Variants in DLGAP2 observed in about 807,000 individuals in gnomAD.
DLGAP2 encodes the protein disks large-associated protein 2.
A neutral mutation model predicts 100.3 loss-of-function variants in DLGAP2; 26 were observed. The ratio of observed to expected loss-of-function variants is 0.26; its 90% CI spans 0.19 to 0.36. The LOEUF is 0.36. Ranked by LOEUF, DLGAP2 falls within the 10% of genes least tolerant of loss-of-function variation. The probability of loss-of-function intolerance (pLI) is 1.00; values close to 1 mark genes in which losing one functional copy is unlikely to be tolerated. For missense variants in DLGAP2, 1,858 were observed against 1,453.2 expected, an observed-to-expected ratio of 1.28 and a Z score of -4.53; for synonymous variants, 886 against 630.1, an observed-to-expected ratio of 1.41 and a Z score of -6.08.
chr8:1,253,635 G>A (rs1007768091), intron 2 of DLGAP2, among the ~76,000 whole-genome samples: 7 of 134,410 alleles, frequency 5.2e-5, no homozygotes, highest in African/African-American at 1.7e-4. Context: ...GGAATGAGCC[G>A]GTTCTCAGCG....
intron 1 of DLGAP2, among the ~76,000 whole-genome samples, chr8:787,174 C>G (rs1015605053): frequency 1.3e-5 from 2 of 152,240 alleles, no homozygotes; most frequent in East Asian, 3.9e-4. Flanking sequence ...GATGAATCTT[C>G]ACCCAGCCTC....
chr8:1,306,197 C>G (rs894300202), intron 3 of DLGAP2, among the ~76,000 whole-genome samples: 22 of 151,834 alleles, frequency 1.4e-4, no homozygotes, highest in African/African-American at 2.9e-4. Flanking sequence ...GATTCCCCCC[C>G]ACCCACACAC....
intron 2 of DLGAP2, among the ~76,000 whole-genome samples, chr8:1,093,268 T>C (rs1469740297): frequency 1.3e-5 from 2 of 149,930 alleles, no homozygotes; most frequent in Non-Finnish European, 3.0e-5. Flanking sequence ...CAGAAACACC[T>C]TCACACCCAC....
At chr8:1,292,464 C>G (rs1025562822) in intron 3 of DLGAP2, among the ~76,000 whole-genome samples, 2 of 152,208 alleles carry the variant, frequency 1.3e-5, no homozygotes, top group Non-Finnish European at 2.9e-5. Context: ...GTGTGATCAA[C>G]TTGACTTCTC....
chr8:1,126,522 G>A (rs1015883472), intron 2 of DLGAP2, among the ~76,000 whole-genome samples: 4 of 152,146 alleles, frequency 2.6e-5, no homozygotes, highest in South Asian at 4.2e-4. Flanking sequence ...TGCGTGGACA[G>A]GAGGCAGGCA....
At chr8:1,050,490 G>C (rs1288313653) in intron 2 of DLGAP2, among the ~76,000 whole-genome samples, 2 of 152,204 alleles carry the variant, frequency 1.3e-5, no homozygotes, top group Admixed American at 1.3e-4. Flanking sequence ...TGTGGATTAG[G>C]TGTATTAAAT....
chr8:958,441 T>A (rs1799645338), intron 2 of DLGAP2, among the ~76,000 whole-genome samples: 1 of 152,100 alleles, frequency 6.6e-6, no homozygotes, highest in African/African-American at 2.4e-5. Flanking sequence ...AATTGCAGGG[T>A]CATATGGTGA....
chr8:1,638,582 C>T (rs1261030486), intron 8 of DLGAP2, among the ~76,000 whole-genome samples: 2 of 152,152 alleles, frequency 1.3e-5, no homozygotes, highest in South Asian at 4.2e-4. Context: ...TCAAATAGCA[C>T]AGGTGAGAAG....
At chr8:861,250 G>A (rs527661104) in intron 1 of DLGAP2, among the ~76,000 whole-genome samples, 30 of 152,052 alleles carry the variant, frequency 2.0e-4, no homozygotes, top group Non-Finnish European at 3.4e-4. Context: ...TAGCTATCAC[G>A]GGAGCTAGGA....
At chr8:838,335 A>C (rs1237062025) in intron 1 of DLGAP2, among the ~76,000 whole-genome samples, 2 of 152,080 alleles carry the variant, frequency 1.3e-5, no homozygotes, top group African/African-American at 2.4e-5. Context: ...CAGCTACTCC[A>C]TTCACACAAA....
rs115474702 is a variant in DLGAP2, at chr8:898,331, C to T, written c.19-9581C>T. On this transcript the variant is annotated intron_variant, in intron 1 of 14. Coordinates refer to ENST00000637795, the MANE Select transcript of DLGAP2 (RefSeq NM_001346810.2). ...AGAGGCCTTGGGGTGACTTCACTCC[C>T]CAAATCTCTTACAAAGCACACGCAT... 4.5e-3 allele frequency among the ~76,000 whole-genome samples: 684 copies of T among 152,220 alleles called. 7 individuals are homozygous for T. The highest frequency in any genetic ancestry group is 0.015 in the African/African-American group (630 of 41,544).
intron 3 of DLGAP2, among the ~76,000 whole-genome samples, chr8:1,439,061 T>A (rs1442229727): frequency 6.6e-6 from 1 of 151,758 alleles, no homozygotes; most frequent in Non-Finnish European, 1.5e-5. Context: ...GTCAGACGAG[T>A]GTAAATGGGA....
chr8:1,691,707 C>G (rs1799265519), intron 13 of DLGAP2, 81 bp downstream of exon 13: 1 of 1,232,360 alleles, frequency 8.1e-7, no homozygotes. Context: ...TGTTTTCTTC[C>G]TTGTCAAAGA....
At chr8:1,470,020 A>T (rs734733) in intron 3 of DLGAP2, among the ~76,000 whole-genome samples, 2,273 of 151,256 alleles carry the variant, frequency 0.015, 64 homozygotes, top group African/African-American at 0.053. Context: ...AAATTAGCCA[A>T]GCCTGGTGGT....
chr8:1,365,027 G>A (rs527754733), intron 3 of DLGAP2, among the ~76,000 whole-genome samples: 1 of 152,222 alleles, frequency 6.6e-6, no homozygotes, highest in South Asian at 2.1e-4. Flanking sequence ...CGCACAGCTA[G>A]GAAGAGCCTG....
At chr8:1,675,913 G>A (rs1013252855) in intron 10 of DLGAP2, among the ~76,000 whole-genome samples, 1 of 151,852 alleles carries the variant, frequency 6.6e-6, no homozygotes, top group African/African-American at 2.4e-5. Context: ...AAGGCTTGTT[G>A]GGTTTGTGGG....
At chr8:1,599,314 T>C (rs1318732569) in intron 6 of DLGAP2, among the ~76,000 whole-genome samples, 2 of 152,224 alleles carry the variant, frequency 1.3e-5, no homozygotes, top group Non-Finnish European at 2.9e-5. Flanking sequence ...AAGTGTGATA[T>C]GGTGCTGAGA....
At chr8:1,026,818 T>C (rs1801813823) in intron 2 of DLGAP2, among the ~76,000 whole-genome samples, 1 of 152,202 alleles carries the variant, frequency 6.6e-6, no homozygotes, top group African/African-American at 2.4e-5. Flanking sequence ...AAAATACCCA[T>C]GAGATTAACG....
intron 10 of DLGAP2, among the ~76,000 whole-genome samples, chr8:1,676,255 C>G (rs1798808572): frequency 6.6e-6 from 1 of 152,010 alleles, no homozygotes; most frequent in Non-Finnish European, 1.5e-5. Flanking sequence ...TATTTTTTGC[C>G]TGAGCTGAAC....
Sources: gnomAD v4.1 joint callset for allele counts (sites outside exome capture counted in the v4.1 genomes callset) on GRCh38, gnomAD v4.1.1 for gene constraint, MANE v1.5 for transcripts, NCBI Gene and HGNC (gene_info 2026-07-23, HGNC 2026-07-21) for gene names.